GPHN: variants seen among roughly 807,000 people sequenced by gnomAD.
GPHN encodes the protein gephyrin.
Under a neutral mutation model 95.5 loss-of-function variants are expected in GPHN, and 17 were observed. The ratio of observed to expected loss-of-function variants is 0.18; its 90% confidence interval spans 0.12 to 0.27. GPHN has a LOEUF of 0.27. Among genes scored for constraint, GPHN ranks in the 10% least tolerant of loss-of-function variants. The pLI is 1.00. For synonymous variants in GPHN, 320 were observed against 322.5 expected (o/e 0.99, Z 0.08); for missense variants, 660 against 978.1 (o/e 0.67, Z 4.34).
chr14:67,680,978 T>G, the GPHN span, among the ~76,000 whole-genome samples: 1 of 152,204 alleles, frequency 6.6e-6, no homozygotes, highest in South Asian at 2.1e-4. Flanking sequence ...TTATGGTCAA[T>G]TGATTTTTGA....
intron 1 of GPHN, among the ~76,000 whole-genome samples, chr14:66,566,141 C>G (rs542884596): frequency 6.6e-6 from 1 of 151,940 alleles, no homozygotes; most frequent in Non-Finnish European, 1.5e-5. Flanking sequence ...TTCCATCTCC[C>G]TACTATTACC....
the GPHN span, among the ~76,000 whole-genome samples, chr14:67,378,138 A>T: frequency 6.6e-6 from 1 of 151,246 alleles, no homozygotes. Flanking sequence ...AAAAAAAAAA[A>T]AGCCAGACTC....
At chr14:67,192,868 A>AGATATATAGATATATATCTAGATATC in the GPHN span, among the ~76,000 whole-genome samples, 1 of 146,540 alleles carries the variant, frequency 6.8e-6, no homozygotes, top group Non-Finnish European at 1.5e-5. Flanking sequence ...AGATATATAT[A>AGATATATAGATATATATCTAGATATC]GATATATAGA....
chr14:66,924,306 C>G lies in GPHN; in HGVS notation c.828+14C>G, dbSNP rs2066367253. 1 of 1,413,634 alleles carries G rather than the reference C, an allele frequency of 7.1e-7. No individual in the cohort carries two copies. The highest frequency in any genetic ancestry group is 1.0e-6 in the Non-Finnish European group (1 of 997,300). 87.6% of individuals were successfully genotyped at this position (1,413,634 alleles called of 1,614,324 possible). On this transcript the variant is annotated intron_variant, in intron 8 of 22. Transcript: ENST00000478722. ...ACAGATGAACGGGTAAGACAAGAGGCTTTTGCATTAATGGTTTTCCAAATA... is the reference window on the plus strand; with the variant it reads ...ACAGATGAACGGGTAAGACAAGAGGGTTTTGCATTAATGGTTTTCCAAATA...
the GPHN span, among the ~76,000 whole-genome samples, chr14:67,463,411 G>A: frequency 0.019 from 2,859 of 152,164 alleles, 91 homozygotes; most frequent in African/African-American, 0.065. Flanking sequence ...AGGCTGAGGC[G>A]GGTGGATCAC....
In GPHN at chr14:67,070,715, A is replaced by AAAAAAAAAAAAAAAATATATATAT; in HGVS notation, c.1144+11930_1144+11931insAAAAAAAAAAAAAATATATATATA. On this transcript the variant is annotated intron_variant, in intron 11 of 22. Coordinates refer to ENST00000478722, the MANE Select transcript of GPHN (RefSeq NM_020806.5). ...ATCTCAAAAAAAAAAAAAAAAAAAA[A>AAAAAAAAAAAAAAAATATATATAT]ATATATATATATATCCAATCAGCAT... 8.7e-5 allele frequency among the ~76,000 whole-genome samples: 7 copies of AAAAAAAAAAAAAAAATATATATAT among 80,690 alleles called. No homozygotes were observed. In the African/African-American group the frequency reaches 8.8e-4, roughly 10 times the overall value. The allele number at this position is 80,690 out of a possible 152,430, so 52.9% of individuals were successfully genotyped here.
intron 9 of GPHN, among the ~76,000 whole-genome samples, chr14:66,972,998 C>T (rs1239650755): frequency 6.6e-6 from 1 of 152,178 alleles, no homozygotes; most frequent in Non-Finnish European, 1.5e-5. Flanking sequence ...ATAATTTTGA[C>T]TTTGTCAAGC....
chr14:67,235,281 G>A, the GPHN span, among the ~76,000 whole-genome samples: 31 of 152,248 alleles, frequency 2.0e-4, no homozygotes, highest in South Asian at 4.8e-3. Context: ...TGGGAGCTTG[G>A]TGAGGAAAAG....
At chr14:67,674,330 C>G in the GPHN span, 1 of 1,487,172 alleles carries the variant, frequency 6.7e-7, no homozygotes, top group Non-Finnish European at 9.0e-7. Flanking sequence ...CCTTCCAAAG[C>G]GCGCAGGGCT....
At chr14:66,889,255 C>T (rs932101142) in intron 5 of GPHN, among the ~76,000 whole-genome samples, 2 of 151,908 alleles carry the variant, frequency 1.3e-5, no homozygotes, top group African/African-American at 2.4e-5. Flanking sequence ...TAGATACAAC[C>T]CACATATATA....
the GPHN span, among the ~76,000 whole-genome samples, chr14:67,426,467 G>T: frequency 6.6e-6 from 1 of 152,212 alleles, no homozygotes; most frequent in Non-Finnish European, 1.5e-5. Context: ...GTCAGTGTGT[G>T]CCCCTTAAAA....
intron 8 of GPHN, among the ~76,000 whole-genome samples, chr14:66,964,391 G>A (rs2069168706): frequency 1.3e-5 from 2 of 152,220 alleles, no homozygotes; most frequent in South Asian, 2.1e-4. Flanking sequence ...TATCCATCAG[G>A]ATCCTAGCAG....
intron 8 of GPHN, among the ~76,000 whole-genome samples, chr14:66,961,918 A>ATATATATG (rs2068948885): frequency 1.6e-5 from 1 of 61,072 alleles, no homozygotes; most frequent in South Asian, 6.2e-4. Context: ...ATATATATAT[A>ATATATATG]TATATATATA....
chr14:66,720,892 A>T (rs1372745850), intron 2 of GPHN, among the ~76,000 whole-genome samples: 1 of 152,116 alleles, frequency 6.6e-6, no homozygotes, highest in East Asian at 1.9e-4. Context: ...AACATAACCT[A>T]CCACATTGCG....
chr14:66,759,134 A>G (rs2058672420), intron 2 of GPHN, among the ~76,000 whole-genome samples: 1 of 152,194 alleles, frequency 6.6e-6, no homozygotes, highest in Non-Finnish European at 1.5e-5. Flanking sequence ...ACTCTGTTCC[A>G]CAAGGAATCT....
the GPHN span, among the ~76,000 whole-genome samples, chr14:67,290,153 A>G: frequency 6.6e-6 from 1 of 152,108 alleles, no homozygotes; most frequent in African/African-American, 2.4e-5. Flanking sequence ...TTACAGGTTT[A>G]ATTTTAGTCA....
the GPHN span, among the ~76,000 whole-genome samples, chr14:67,657,606 A>G: frequency 6.6e-6 from 1 of 150,516 alleles, no homozygotes; most frequent in Non-Finnish European, 1.5e-5. Context: ...GTGCACACAC[A>G]CACACACACA....
intron 2 of GPHN, among the ~76,000 whole-genome samples, chr14:66,757,382 A>C (rs1179249470): frequency 2.0e-5 from 3 of 151,842 alleles, no homozygotes; most frequent in Non-Finnish European, 2.9e-5. Context: ...GGGAGATATA[A>C]GTGCAATTGC....
chr14:66,884,472 C>A (rs1410307228), intron 5 of GPHN, among the ~76,000 whole-genome samples: 1 of 152,048 alleles, frequency 6.6e-6, no homozygotes, highest in South Asian at 2.1e-4. Flanking sequence ...AGCAGTGTTA[C>A]CTTGGTACTT....
Sources: allele counts gnomAD v4.1 joint callset (sites outside exome capture counted in the v4.1 genomes callset), GRCh38; gene constraint gnomAD v4.1.1; transcripts MANE v1.5; gene names NCBI Gene and HGNC (gene_info 2026-07-23, HGNC 2026-07-21).